CHIT1: variants seen among roughly 807,000 people sequenced by gnomAD.
The protein encoded by CHIT1 is chitinase 1.
A neutral mutation model predicts 52.0 loss-of-function variants in CHIT1; 47 were observed. The observed-to-expected ratio is 0.90, with a 90% CI of 0.71 to 1.15. CHIT1 has a LOEUF of 1.15. CHIT1 is among the 50% of genes most tolerant of loss of function. The pLI is 0.00. For missense variants in CHIT1, 569 were observed against 583.0 expected, an observed-to-expected ratio of 0.98 and a Z score of 0.25; for synonymous variants, 242 against 228.2, an observed-to-expected ratio of 1.06 and a Z score of -0.54.
intron 10 of CHIT1, chr1:203,217,475 A>C (rs1017523488): frequency 1.4e-5 from 18 of 1,242,772 alleles, no homozygotes; most frequent in African/African-American, 3.0e-5. Context: ...TGCTGCTCCC[A>C]GTCTGGGGGC....
chr1:203,220,308 T>A (rs1166543793), intron 7 of CHIT1, among the ~76,000 whole-genome samples: 2 of 152,194 alleles, frequency 1.3e-5, no homozygotes, highest in African/African-American at 4.8e-5. Context: ...ATGTAAAAGG[T>A]CAGCACAACG....
intron 1 of CHIT1, among the ~76,000 whole-genome samples, 192 bp downstream of exon 1, chr1:203,229,420 G>A (rs576767769): frequency 1.7e-4 from 26 of 152,272 alleles, no homozygotes; most frequent in African/African-American, 6.3e-4. Flanking sequence ...GGCTGAAAGA[G>A]CCTAAGGGGG....
intron 4 of CHIT1, among the ~76,000 whole-genome samples, chr1:203,224,642 T>G (rs1656858170): frequency 6.6e-6 from 1 of 152,184 alleles, no homozygotes; most frequent in Admixed American, 6.5e-5. Context: ...GATTACCTTT[T>G]GTACTCAGAA....
At chr1:203,217,380 C>G in intron 10 of CHIT1, 2 of 1,502,124 alleles carry the variant, frequency 1.3e-6, no homozygotes, top group Non-Finnish European at 1.8e-6. Flanking sequence ...CATCTGCAAG[C>G]ACAACCATAT....
upstream of CHIT1, chr1:203,229,676 C>G (rs375531046): frequency 6.2e-7 from 1 of 1,611,572 alleles, no homozygotes; most frequent in Non-Finnish European, 8.5e-7. Flanking sequence ...TACAAACCAG[C>G]TTTCCAGGTC....
At chr1:203,226,354 C>T (rs1420409311) in intron 2 of CHIT1, among the ~76,000 whole-genome samples, 1 of 152,180 alleles carries the variant, frequency 6.6e-6, no homozygotes, top group East Asian at 1.9e-4. Context: ...AAGGTAGCCC[C>T]AGGCAGCCCC....
Position 203,216,079 on chromosome 1 carries a change from G to T in CHIT1, c.*810C>A, listed in dbSNP as rs1412009009. ...CCAAGGTGCAGCCCAAAGCAGCCAG[G>T]AATGTTGGGATGACTTTATTTAACC... On this transcript the variant is annotated 3_prime_UTR_variant, in exon 11 of 11. Coordinates refer to ENST00000367229, the MANE Select transcript of CHIT1 (RefSeq NM_003465.3). 6.6e-6 allele frequency: 3 copies of T among 453,136 alleles called. No individual in the cohort carries two copies. Among genetic ancestry groups the T allele is most frequent in the South Asian group, 4.7e-5 (3 of 64,474 alleles). 28.1% of individuals were successfully genotyped at this position (453,136 alleles called of 1,614,324 possible).
chr1:203,229,186 C>G (rs192790147), intron 1 of CHIT1, among the ~76,000 whole-genome samples: 317 of 152,266 alleles, frequency 2.1e-3, no homozygotes, highest in African/African-American at 5.6e-3. Flanking sequence ...ATCTTGGCCC[C>G]AGGCTGCCCT....
chr1:203,223,531 A>T lies in CHIT1; in HGVS notation c.444T>A (p.Pro148=). 6.2e-7 allele frequency: 1 copy of T among 1,614,202 alleles called. No homozygotes were observed. The highest frequency in any genetic ancestry group is 8.5e-7 in the Non-Finnish European group (1 of 1,180,032). Residue 148 remains proline, a synonymous_variant, in exon 5 of 11, where the codon CCT becomes CCA. Coordinates refer to ENST00000367229, the MANE Select transcript of CHIT1 (RefSeq NM_003465.3). ...TTGTGAAGCGCTCCTTGTCTACGGC[A>T]GGGCTCCCCTGGCTTCCTGGGTACT... ...DWEYPGSQGS[P]AVDKERFTTL... is the part of the protein sequence containing the mutation.
chr1:203,227,264 T>C (rs958387272), intron 2 of CHIT1, among the ~76,000 whole-genome samples: 1 of 152,066 alleles, frequency 6.6e-6, no homozygotes, highest in Non-Finnish European at 1.5e-5. Flanking sequence ...TGCAGCTTGC[T>C]AGTGGGGCTG....
rs2297948 is a variant in CHIT1, at chr1:203,217,958, G to T, written c.1030-93C>A. On this transcript the variant is annotated intron_variant, in intron 9 of 10. Transcript: ENST00000367229. Reference sequence around the variant, plus strand: ...ACCTCTTCTGGACAGGGCCCTTTTTGCTCCAGCAGCCTCAGGCCTGTGAGT... The same window carrying T: ...ACCTCTTCTGGACAGGGCCCTTTTTTCTCCAGCAGCCTCAGGCCTGTGAGT... 0.011 allele frequency: 17,261 copies of T among 1,541,662 alleles called. 1,066 individuals are homozygous for T. The African/African-American group carries it at 0.16, about 14-fold the overall frequency.
chr1:203,218,080 C>T (rs767273553), intron 9 of CHIT1: 30 of 1,508,804 alleles, frequency 2.0e-5, no homozygotes, highest in South Asian at 2.4e-5. Context: ...CTTGTCTTAA[C>T]GTAAGCATGA....
At chr1:203,219,476 T>A in intron 8 of CHIT1, 147 bp from the exon 9 acceptor site, 1 of 885,086 alleles carries the variant, frequency 1.1e-6, no homozygotes. Context: ...GACCTAGAAT[T>A]CTGGACTCAG....
chr1:203,219,519 G>A (rs1198381097), intron 8 of CHIT1, 145 bp downstream of exon 8: 3 of 1,082,122 alleles, frequency 2.8e-6, no homozygotes, highest in Non-Finnish European at 4.3e-6. Flanking sequence ...ATAAATTCAA[G>A]ATGGCATGGA....
chr1:203,221,290 G>A, intron 7 of CHIT1, among the ~76,000 whole-genome samples: 1 of 152,278 alleles, frequency 6.6e-6, no homozygotes, highest in South Asian at 2.1e-4. Context: ...AGCCCTCTCT[G>A]CAGGGTTTTA....
chr1:203,225,752 G>C lies in CHIT1; in HGVS notation c.174C>G (p.Phe58Leu). The change falls in exon 3 of 11, where the codon TTC becomes TTG. Residue 58 changes from phenylalanine (F) to leucine (L), a missense_variant. Coordinates refer to ENST00000367229, the MANE Select transcript of CHIT1 (RefSeq NM_003465.3). ...PSLCTHLIYA[F>L]AGMTNHQLST... is the part of the protein sequence containing the mutation. ...TCAGCTGGTGGTTGGTCATGCCAGC[G>C]AAGGCGTAGATGAGGTGGGTGCAAA... is the stretch of plus-strand genomic sequence containing the variant. The C allele has an allele frequency of 6.2e-7, 1 of 1,614,222 alleles. No homozygotes were observed.
At chr1:203,227,893 C>A (rs74363975) in intron 2 of CHIT1, among the ~76,000 whole-genome samples, 1 of 152,146 alleles carries the variant, frequency 6.6e-6, no homozygotes, top group Admixed American at 6.5e-5. Flanking sequence ...GAGGCACAGT[C>A]GCAGGACAAG....
intron 7 of CHIT1, among the ~76,000 whole-genome samples, chr1:203,220,512 C>T (rs1201432054): frequency 6.6e-6 from 1 of 152,172 alleles, no homozygotes; most frequent in Admixed American, 6.5e-5. Context: ...TTATATATTA[C>T]TTGGTGTAAC....
rs893860971 is a variant in CHIT1 at position 203,222,057 on chromosome 1, A to G, written c.729+145T>C. The G allele has an allele frequency of 5.7e-6, 7 of 1,223,136 alleles. No individual in the cohort carries two copies. In the African/African-American group the frequency reaches 1.1e-4, roughly 19 times the overall value. The allele number at this position is 1,223,136 out of a possible 1,614,324, so 75.8% of individuals were successfully genotyped here. Reference sequence around the variant, plus strand: ...GCACGGACCAGGAAAATAGAACAAAACAAGCAAGCAAAGAAACAAAAAAGC... The same window carrying G: ...GCACGGACCAGGAAAATAGAACAAAGCAAGCAAGCAAAGAAACAAAAAAGC... On this transcript the variant is annotated intron_variant, in intron 7 of 10. Coordinates refer to ENST00000367229, the MANE Select transcript of CHIT1 (RefSeq NM_003465.3).
Sources: gnomAD v4.1 joint callset for allele counts (sites outside exome capture counted in the v4.1 genomes callset) on GRCh38, gnomAD v4.1.1 for gene constraint, MANE v1.5 for transcripts, NCBI Gene and HGNC (gene_info 2026-07-23, HGNC 2026-07-21) for gene names.